Variants in MMEL1 observed in about 807,000 individuals in gnomAD.
MMEL1 encodes membrane metalloendopeptidase like 1, also known as membrane metallo-endopeptidase-like 1.
MMEL1 carries 98 observed loss-of-function variants against 117.1 expected under a neutral mutation model. The ratio of observed to expected loss-of-function variants is 0.84; its 90% confidence interval spans 0.71 to 0.99. MMEL1 has a LOEUF of 0.99. Among genes scored for constraint, MMEL1 ranks in the 50% least tolerant of loss-of-function variants. The pLI, the probability that MMEL1 is intolerant of heterozygous loss-of-function variation, is 0.00. For missense variants in MMEL1, 1,014 were observed against 1,049.1 expected (o/e 0.97, Z 0.46); for synonymous variants, 390 against 415.1 (o/e 0.94, Z 0.74).
At chr1:2,605,224 G>A (rs1428669507) in intron 9 of MMEL1, among the ~76,000 whole-genome samples, 1 of 152,176 alleles carries the variant, frequency 6.6e-6, no homozygotes, top group African/African-American at 2.4e-5. Context: ...CCAGCTGCCT[G>A]CACTCAGATC....
At chr1:2,624,797 TGAAGA>T (rs1645343922) in intron 2 of MMEL1, among the ~76,000 whole-genome samples, 1 of 152,194 alleles carries the variant, frequency 6.6e-6, no homozygotes, top group African/African-American at 2.4e-5. Context: ...GGGTAATTTA[TGAAGA>T]GAAGAGGTTT....
At chr1:2,594,118 C>A (rs892473265) in intron 18 of MMEL1, 185 bp from the exon 19 acceptor site, 12 of 862,790 alleles carry the variant, frequency 1.4e-5, no homozygotes, top group Non-Finnish European at 1.9e-5. Flanking sequence ...TCGTGCCTGG[C>A]AGACCCAGGA....
At chr1:2,596,471 G>A (rs1644841642) in intron 14 of MMEL1, 90 bp downstream of exon 14, 18 of 1,529,370 alleles carry the variant, frequency 1.2e-5, no homozygotes, top group Admixed American at 9.0e-5. Context: ...GTGCCCCTGA[G>A]CCTGGGCGGG....
At chr1:2,606,836 T>G (rs1302158180) in intron 7 of MMEL1, 138 bp downstream of exon 7, 1 of 757,062 alleles carries the variant, frequency 1.3e-6, no homozygotes, top group Non-Finnish European at 2.2e-6. Flanking sequence ...CCCGGCTGGG[T>G]TGGGCCTCTT....
Position 2,595,083 on chromosome 1 carries a change from C to T in MMEL1, c.1585-190G>A, listed in dbSNP as rs1037080650. Among the ~76,000 whole-genome samples, 1 of 152,116 alleles carries T rather than the reference C, an allele frequency of 6.6e-6. No homozygotes were observed. Among genetic ancestry groups the T allele is most frequent in the South Asian group, 2.1e-4 (1 of 4,820 alleles). ...TTTACATGACTCTGAGCAAGTCCCTCGTCCCTCCAGGCCTCAGTTTCCCCA... is the reference window on the plus strand; with the variant it reads ...TTTACATGACTCTGAGCAAGTCCCTTGTCCCTCCAGGCCTCAGTTTCCCCA... On this transcript the variant is annotated intron_variant, in intron 16 of 23. Coordinates refer to ENST00000378412, the MANE Select transcript of MMEL1 (RefSeq NM_033467.4). The surrounding 1 kb of genome is among the most constrained non-coding windows in gnomAD (Gnocchi z 4.8).
chr1:2,606,959 C>T lies in MMEL1; in HGVS notation c.631+15G>A. 6.2e-7 allele frequency: 1 copy of T among 1,609,270 alleles called. No individual in the cohort carries two copies. The highest frequency in any genetic ancestry group is 1.3e-5 in the African/African-American group (1 of 75,002). On this transcript the variant is annotated intron_variant, in intron 7 of 23. Transcript: ENST00000378412. ...CTTTGTCTGTCTGTGAGGCTGCTGC[C>T]AGGCCCGGCCTTACCTACGGTCTCG... is the stretch of plus-strand genomic sequence containing the variant.
At chr1:2,628,453 G>A (rs909256522) in intron 2 of MMEL1, among the ~76,000 whole-genome samples, 1 of 152,256 alleles carries the variant, frequency 6.6e-6, no homozygotes, top group Non-Finnish European at 1.5e-5. Context: ...GACCTGGGGT[G>A]CGAGGTCCGC....
At chr1:2,603,861 C>A (rs762388573) in intron 11 of MMEL1, 23 bp downstream of exon 11, 1 of 1,610,234 alleles carries the variant, frequency 6.2e-7, no homozygotes, top group Non-Finnish European at 8.5e-7. Context: ...CCAGTGCCGG[C>A]CTCCTGTGTG....
intron 14 of MMEL1, 56 bp downstream of exon 14, chr1:2,596,505 C>T: frequency 6.3e-7 from 1 of 1,585,024 alleles, no homozygotes. Context: ...GGCAGGGAGG[C>T]TCGGTGTCCC....
At chr1:2,591,479 TTTC>T (rs1372234105) in intron 23 of MMEL1, 75 bp downstream of exon 23, 19 of 1,226,764 alleles carry the variant, frequency 1.5e-5, no homozygotes, top group Non-Finnish European at 1.9e-5. Context: ...CTTTTTGTGC[TTTC>T]TTCTTTTACA....
In MMEL1 at chr1:2,594,019, C is replaced by T. The variant is rs1227562206; in HGVS notation, c.1748-86G>A. ...CTCAGGGATGGCGCTGCCAGGGGTTCTGACACTTGATCCCACAGACCGGGA... is the reference window on the plus strand; with the variant it reads ...CTCAGGGATGGCGCTGCCAGGGGTTTTGACACTTGATCCCACAGACCGGGA... On this transcript the variant is annotated intron_variant, in intron 18 of 23. Coordinates refer to ENST00000378412, the MANE Select transcript of MMEL1 (RefSeq NM_033467.4). 2.0e-6 allele frequency: 3 copies of T among 1,468,186 alleles called. No individual in the cohort carries two copies. The African/African-American group carries it at 4.2e-5, about 21-fold the overall frequency. 90.9% of individuals were successfully genotyped at this position (1,468,186 alleles called of 1,614,324 possible). A position where few individuals can be genotyped will look rare whatever the true frequency, so the allele number is the denominator to read the frequency against.
Position 2,608,916 on chromosome 1 carries a change from C to T in MMEL1, c.535+423G>A, listed in dbSNP as rs140267934. 2.1e-4 allele frequency among the ~76,000 whole-genome samples: 19 copies of T among 91,140 alleles called. 1 individual carries two copies. The highest frequency in any genetic ancestry group is 1.7e-3 in the Admixed American group (16 of 9,346). The allele number at this position is 91,140 out of a possible 152,430, so 59.8% of individuals were successfully genotyped here. ...AGATACATGCATGAACACATATATA[C>T]ACATACACGTATACACATATACATA... On this transcript the variant is annotated intron_variant, in intron 6 of 23. Transcript: ENST00000378412.
At chr1:2,599,661 C>T (rs913862525) in intron 11 of MMEL1, among the ~76,000 whole-genome samples, 4 of 152,186 alleles carry the variant, frequency 2.6e-5, no homozygotes, top group African/African-American at 7.2e-5. Flanking sequence ...AGTTCAAGGC[C>T]ATGCTGGCCA....
At chr1:2,627,822 G>T (rs977845041) in intron 2 of MMEL1, among the ~76,000 whole-genome samples, 1 of 152,186 alleles carries the variant, frequency 6.6e-6, no homozygotes, top group South Asian at 2.1e-4. Flanking sequence ...CATTCCTGGT[G>T]GGGGGTCTTG....
intron 7 of MMEL1, 53 bp from the exon 8 acceptor site, chr1:2,606,419 CG>C: frequency 1.4e-6 from 2 of 1,436,368 alleles, no homozygotes; most frequent in South Asian, 1.2e-5. Context: ...GGCCCCAGCC[CG>C]GCCCCTTGTC....
At position 2,612,062 on chromosome 1, in the gene MMEL1, C is replaced by T. The variant is rs578180893; in HGVS notation, c.232+65G>A. The stretch of plus-strand genomic sequence containing the variant: ...CCAGCCCCTGCCCCTCCACGGAGTC[C>T]CCCCACCTTGGGAGGCCAGCGCCCA... On this transcript the variant is annotated intron_variant, in intron 3 of 23. Coordinates refer to ENST00000378412, the MANE Select transcript of MMEL1 (RefSeq NM_033467.4). This position sits in a 1 kb window ranked among gnomAD's most constrained non-coding sequence, Gnocchi z 5.4. 2.2e-6 allele frequency: 3 copies of T among 1,385,024 alleles called. No homozygotes were observed. Among genetic ancestry groups the T allele is most frequent in the East Asian group, 5.0e-5 (2 of 40,374 alleles). The allele number at this position is 1,385,024 out of a possible 1,614,324, so 85.8% of individuals were successfully genotyped here. A position where few individuals can be genotyped will look rare whatever the true frequency, so the allele number is the denominator to read the frequency against.
chr1:2,591,044 G>C lies in MMEL1; in HGVS notation c.2286C>G (p.Phe762Leu). The C allele has an allele frequency of 6.2e-7, 1 of 1,606,998 alleles. No individual in the cohort carries two copies. Among genetic ancestry groups the C allele is most frequent in the Non-Finnish European group, 8.5e-7 (1 of 1,177,480 alleles). ...LQNLAAFADTFHCARGTPMHP... is the reference protein window; with the variant it reads ...LQNLAAFADTLHCARGTPMHP... The stretch of plus-strand genomic sequence containing the variant: ...GCATGGGGGTGCCCCGGGCACAGTG[G>C]AACGTGTCTGCGAAGGCGGCCAGGT... The change falls in exon 24 of 24, where the codon TTC becomes TTG. Residue 762 changes from phenylalanine (F) to leucine (L), a missense_variant. Transcript: ENST00000378412.
At position 2,612,177 on chromosome 1, in the gene MMEL1, C is replaced by T. The variant is rs147345065; in HGVS notation, c.182G>A (p.Arg61Gln). The T allele has an allele frequency of 6.1e-5, 96 of 1,579,212 alleles. No homozygotes were observed. Among genetic ancestry groups the T allele is most frequent in the East Asian group, 6.0e-4 (26 of 43,154 alleles). ...CCTCTCCTCCTGTAAGAAGCACAGC[C>T]GGCTAGCAAGGCGTGGCAGCTGCTT... The part of the protein sequence containing the change: ...RGKQLPRLAS[R>Q]LCFLQEERTF... Residue 61 changes from arginine to glutamine, a missense_variant, in exon 3 of 24, where the codon CGG becomes CAG. Physicochemically the swap from Arg to Gln is conservative, Grantham distance 43 (BLOSUM62 1). Coordinates refer to ENST00000378412, the MANE Select transcript of MMEL1 (RefSeq NM_033467.4). The surrounding 1 kb of genome is among the most constrained non-coding windows in gnomAD (Gnocchi z 5.4).
At chr1:2,629,864 G>C in intron 1 of MMEL1, 1 of 189,640 alleles carries the variant, frequency 5.3e-6, no homozygotes, top group Non-Finnish European at 1.1e-5. Flanking sequence ...GGAGCTGTGG[G>C]CCTGAGCGCT....
Sources: gnomAD v4.1 joint callset for allele counts (sites outside exome capture counted in the v4.1 genomes callset) on GRCh38, gnomAD v4.1.1 for gene constraint, Gnocchi (gnomAD v3.1) non-coding constraint, MANE v1.5 for transcripts, NCBI Gene and HGNC (gene_info 2026-07-23, HGNC 2026-07-21) for gene names.